TXNRD1: variants seen among roughly 807,000 people sequenced by gnomAD.
TXNRD1 encodes thioredoxin reductase 1, cytoplasmic.
Under a neutral mutation model 80.3 loss-of-function variants are expected in TXNRD1, and 57 were observed. The ratio of observed to expected loss-of-function variants is 0.71; its 90% CI spans 0.57 to 0.89. The LOEUF (loss-of-function observed/expected upper bound fraction) is 0.89, where lower values mean the gene tolerates loss of function less well. TXNRD1 is among the 40% of genes least tolerant of loss of function. The probability of loss-of-function intolerance (pLI) is 0.00; values close to 1 mark genes in which losing one functional copy is unlikely to be tolerated. For missense variants in TXNRD1, 730 were observed against 803.0 expected (o/e 0.91, Z 1.10); for synonymous variants, 291 against 285.2 (o/e 1.02, Z -0.20).
At chr12:104,333,628 C>CTAA (rs944327522) in intron 14 of TXNRD1, among the ~76,000 whole-genome samples, 2 of 152,048 alleles carry the variant, frequency 1.3e-5, no homozygotes, top group African/African-American at 4.8e-5. Flanking sequence ...TGAACTGAGG[C>CTAA]TAGCAGCTGG....
intron 5 of TXNRD1, among the ~76,000 whole-genome samples, chr12:104,312,991 G>A (rs1338069649): frequency 6.6e-6 from 1 of 152,002 alleles, no homozygotes; most frequent in African/African-American, 2.4e-5. Flanking sequence ...GAAGTCTAAG[G>A]TTTCCAGCTG....
At chr12:104,290,720 C>CATATATATATACAT (rs2034159495) in intron 4 of TXNRD1, among the ~76,000 whole-genome samples, 2 of 55,864 alleles carry the variant, frequency 3.6e-5, no homozygotes, top group African/African-American at 6.0e-5. Flanking sequence ...AAGAAATATA[C>CATATATATATACAT]ATATATATAT....
At position 104,319,464 on chromosome 12, in the gene TXNRD1, T is replaced by G; in HGVS notation, c.874-6T>G. Reference sequence around the variant, plus strand: ...TAATAAGGTTTTCATATTGGTTCCTTTGTAGGCAACAAATAATAAAGGCAA... The same window carrying G: ...TAATAAGGTTTTCATATTGGTTCCTGTGTAGGCAACAAATAATAAAGGCAA... On this transcript the variant is annotated splice_region_variant and splice_polypyrimidine_tract_variant and intron_variant, in intron 8 of 16. Coordinates refer to ENST00000525566, the MANE Select transcript of TXNRD1 (RefSeq NM_001093771.3). 1 of 1,552,090 alleles carries G rather than the reference T, an allele frequency of 6.4e-7. No individual in the cohort carries two copies. Among genetic ancestry groups the G allele is most frequent in the Non-Finnish European group, 8.8e-7 (1 of 1,141,850 alleles).
At chr12:104,340,022 G>A (rs913070858) in intron 16 of TXNRD1, among the ~76,000 whole-genome samples, 2 of 152,130 alleles carry the variant, frequency 1.3e-5, no homozygotes, top group South Asian at 4.1e-4. Context: ...GTCTGTTCAT[G>A]GTTGCTTTTG....
At chr12:104,275,889 C>T (rs1037077332) in intron 3 of TXNRD1, among the ~76,000 whole-genome samples, 2 of 152,148 alleles carry the variant, frequency 1.3e-5, no homozygotes, top group Admixed American at 6.5e-5. Context: ...TTACTCATCT[C>T]GTTTTCCACA....
chr12:104,289,284 A>T (rs956066523), intron 4 of TXNRD1: 12 of 401,186 alleles, frequency 3.0e-5, no homozygotes, highest in East Asian at 2.4e-4. Context: ...ATAGCTTTTT[A>T]AAAATGTCCT....
chr12:104,229,154 T>C (rs2032548628), intron 1 of TXNRD1, among the ~76,000 whole-genome samples: 1 of 148,466 alleles, frequency 6.7e-6, no homozygotes, highest in African/African-American at 2.5e-5. Context: ...CTTTTTTTTT[T>C]TTTTTTTTTT....
chr12:104,252,252 C>T (rs551838852), intron 2 of TXNRD1, among the ~76,000 whole-genome samples: 1 of 151,882 alleles, frequency 6.6e-6, no homozygotes. Flanking sequence ...GGTTGATTTG[C>T]GGCCCTTTCA....
intron 2 of TXNRD1, among the ~76,000 whole-genome samples, chr12:104,253,151 CT>C: frequency 6.6e-6 from 1 of 152,270 alleles, no homozygotes; most frequent in South Asian, 2.1e-4. Context: ...CTCTCTCTCT[CT>C]GTTTCTCTCT....
At chr12:104,234,616 A>T (rs7969758) in intron 1 of TXNRD1, among the ~76,000 whole-genome samples, 1 of 137,348 alleles carries the variant, frequency 7.3e-6, no homozygotes, top group East Asian at 2.1e-4. Flanking sequence ...ATTTTTTAAA[A>T]AATAAACATT....
At chr12:104,303,660 C>T (rs1051385492) in intron 4 of TXNRD1, 3 of 446,720 alleles carry the variant, frequency 6.7e-6, no homozygotes, top group Non-Finnish European at 1.2e-5. Flanking sequence ...CGGCTTGTGG[C>T]TGGGCCGGGC....
At position 104,304,711 on chromosome 12, in the gene TXNRD1, A is replaced by G. The variant is rs753380448; in HGVS notation, c.415-6579A>G. ...CTTTTTCTCGTACTGTGGAGAATAT[A>G]TTTTATGTTTCTTTTATTGTAAGAG... On this transcript the variant is annotated intron_variant, in intron 4 of 16. Transcript: ENST00000525566. 85 of 1,613,564 alleles carry G rather than the reference A, an allele frequency of 5.3e-5. No individual in the cohort carries two copies. The Middle Eastern group carries it at 6.6e-4, about 12-fold the overall frequency.
rs547545865 is a variant in TXNRD1 at position 104,321,304 on chromosome 12, C to G, written c.1203C>G (p.Phe401Leu). The G allele has an allele frequency of 6.2e-7, 1 of 1,613,722 alleles. No individual in the cohort carries two copies. Among genetic ancestry groups the G allele is most frequent in the African/African-American group, 1.3e-5 (1 of 75,000 alleles). ...ATGGCATCAAGTTTATAAGACAGTT[C>G]GTACCAATTAAAGTAAGTGGGTTTG... is the stretch of plus-strand genomic sequence containing the variant. Reference protein sequence around the residue: ...EEHGIKFIRQFVPIKVEQIEA... With the variant: ...EEHGIKFIRQLVPIKVEQIEA... The change falls in exon 10 of 17, where the codon TTC becomes TTG. Residue 401 changes from phenylalanine to leucine, a missense_variant. Phe to Leu is a conservative substitution (Grantham distance 22). Coordinates refer to ENST00000525566, the MANE Select transcript of TXNRD1 (RefSeq NM_001093771.3).
chr12:104,304,046 C>T lies in TXNRD1; in HGVS notation c.415-7244C>T, dbSNP rs920087271. The T allele has an allele frequency of 5.6e-6, 9 of 1,613,534 alleles. No homozygotes were observed. The highest frequency in any genetic ancestry group is 3.3e-5 in the Admixed American group (2 of 60,004). On this transcript the variant is annotated intron_variant, in intron 4 of 16. Coordinates refer to ENST00000525566, the MANE Select transcript of TXNRD1 (RefSeq NM_001093771.3). ...GCTCACCGCTGACGAGGAGAAGTGC[C>T]GCAGCATCCGCAGGCAGTACCGGCA... is the stretch of plus-strand genomic sequence containing the variant.
chr12:104,235,451 CT>C (rs1478820292), intron 1 of TXNRD1, among the ~76,000 whole-genome samples: 1 of 152,124 alleles, frequency 6.6e-6, no homozygotes, highest in African/African-American at 2.4e-5. Flanking sequence ...CAAGCAGAAC[CT>C]TTAAAGAAGA....
chr12:104,254,644 A>AAAAAAAAATATAT, intron 2 of TXNRD1, among the ~76,000 whole-genome samples: 2 of 93,646 alleles, frequency 2.1e-5, no homozygotes, highest in African/African-American at 1.0e-4. Flanking sequence ...AAAAAAAAAA[A>AAAAAAAAATATAT]ATATATATAT....
chr12:104,283,291 G>T lies in TXNRD1; in HGVS notation c.305-5640G>T, dbSNP rs183181447. ...TTTGAGACGGAGTCTTGCTCTTGTT[G>T]TCCAGGCTGGAGTACAATGGCATGA... On this transcript the variant is annotated intron_variant, in intron 3 of 16. Coordinates refer to ENST00000525566, the MANE Select transcript of TXNRD1 (RefSeq NM_001093771.3). Among the ~76,000 whole-genome samples, 43 of 151,896 alleles carry T rather than the reference G, an allele frequency of 2.8e-4. No individual in the cohort carries two copies. The Middle Eastern group carries it at 0.01, about 36-fold the overall frequency.
At chr12:104,267,703 C>T (rs12422292) in intron 3 of TXNRD1, among the ~76,000 whole-genome samples, 1,810 of 9,100 alleles carry the variant, frequency 0.2, 36 homozygotes, top group East Asian at 0.25. Flanking sequence ...CTTTCTTTCT[C>T]TCTTTCTTTC....
intron 3 of TXNRD1, among the ~76,000 whole-genome samples, chr12:104,267,677 C>CTTTCTTTGTTTG (rs1565870148): frequency 4.1e-5 from 2 of 49,320 alleles, no homozygotes; most frequent in Non-Finnish European, 9.7e-5. Flanking sequence ...TTCTTTCTTT[C>CTTTCTTTGTTTG]TTTCTTTCTT....
Sources: gnomAD v4.1 joint callset for allele counts (sites outside exome capture counted in the v4.1 genomes callset) on GRCh38, gnomAD v4.1.1 for gene constraint, MANE v1.5 for transcripts, NCBI Gene and HGNC (gene_info 2026-07-23, HGNC 2026-07-21) for gene names.